Variants in GLIS3 observed in about 807,000 individuals in gnomAD.
GLIS3 encodes the protein GLIS family zinc finger 3.
Under a neutral mutation model 78.6 loss-of-function variants are expected in GLIS3, and 53 were observed. The ratio of observed to expected loss-of-function variants is 0.67; its 90% CI spans 0.54 to 0.85. GLIS3 has a LOEUF of 0.85. Ranked by LOEUF, GLIS3 falls within the 40% of genes least tolerant of loss-of-function variation. The pLI, the probability that GLIS3 is intolerant of heterozygous loss-of-function variation, is 0.00. For synonymous variants in GLIS3, 684 were observed against 509.9 expected (o/e 1.34, Z -4.60); for missense variants, 1,703 against 1,231.1 (o/e 1.38, Z -5.74).
intron 2 of GLIS3, among the ~76,000 whole-genome samples, chr9:4,336,123 C>T (rs1398235656): frequency 1.3e-5 from 2 of 152,180 alleles, no homozygotes; most frequent in East Asian, 1.9e-4. Flanking sequence ...AAAGTAGGGT[C>T]ACAATAGCAG....
At chr9:4,298,790 C>G (rs1253320607) in intron 1 of GLIS3, among the ~76,000 whole-genome samples, 1 of 152,104 alleles carries the variant, frequency 6.6e-6, no homozygotes, top group Non-Finnish European at 1.5e-5. Flanking sequence ...GGCTGCGGAT[C>G]GCCGGGCCGG....
At chr9:3,955,306 G>T (rs1817026047) in intron 4 of GLIS3, among the ~76,000 whole-genome samples, 1 of 152,232 alleles carries the variant, frequency 6.6e-6, no homozygotes, top group Non-Finnish European at 1.5e-5. Flanking sequence ...GTCAATTTGT[G>T]CTTAAAGAAA....
chr9:3,907,221 A>T (rs1823770998), intron 6 of GLIS3, among the ~76,000 whole-genome samples: 2 of 152,202 alleles, frequency 1.3e-5, no homozygotes, highest in South Asian at 4.1e-4. Flanking sequence ...TCAGTCCACG[A>T]GGGCTAGGCT....
At chr9:4,194,796 T>C (rs1045443901) in intron 2 of GLIS3, among the ~76,000 whole-genome samples, 3 of 152,214 alleles carry the variant, frequency 2.0e-5, no homozygotes, top group African/African-American at 7.2e-5. Context: ...GAGAGTACTT[T>C]GTTTTTCCCA....
intron 2 of GLIS3, among the ~76,000 whole-genome samples, chr9:4,318,870 G>A (rs1196820914): frequency 6.6e-6 from 1 of 152,172 alleles, no homozygotes; most frequent in Non-Finnish European, 1.5e-5. Context: ...TTGCAAAGGG[G>A]GGAAGTTCCT....
intron 1 of GLIS3, among the ~76,000 whole-genome samples, chr9:4,290,606 A>C (rs769161372): frequency 6.6e-6 from 1 of 152,144 alleles, no homozygotes; most frequent in Non-Finnish European, 1.5e-5. Flanking sequence ...TCGCAATTCA[A>C]TCAAGGACAG....
chr9:4,238,814 T>C (rs1823020996), intron 2 of GLIS3, among the ~76,000 whole-genome samples: 2 of 152,102 alleles, frequency 1.3e-5, no homozygotes, highest in Non-Finnish European at 2.9e-5. Flanking sequence ...TGAGTCAAGC[T>C]TTCCCTGGGG....
intron 9 of GLIS3, among the ~76,000 whole-genome samples, chr9:3,845,652 C>G (rs1486753280): frequency 6.6e-6 from 1 of 152,190 alleles, no homozygotes; most frequent in East Asian, 1.9e-4. Context: ...AGTAATTAGG[C>G]TTCCAAAGTT....
chr9:4,383,979 C>G, the GLIS3 span, among the ~76,000 whole-genome samples: 1 of 152,178 alleles, frequency 6.6e-6, no homozygotes, highest in Non-Finnish European at 1.5e-5. Context: ...CTTAAATATC[C>G]ATGGAACTAC....
chr9:4,299,121 C>A (rs1391160622), intron 1 of GLIS3, among the ~76,000 whole-genome samples: 1 of 152,118 alleles, frequency 6.6e-6, no homozygotes, highest in Non-Finnish European at 1.5e-5. Flanking sequence ...CGAATTAGCG[C>A]AACTTTAAAG....
intron 2 of GLIS3, among the ~76,000 whole-genome samples, chr9:4,151,800 A>C (rs1834701442): frequency 2.0e-5 from 3 of 152,170 alleles, no homozygotes; most frequent in Admixed American, 2.0e-4. Flanking sequence ...CATAATAATC[A>C]TCTGTTCCTA....
intron 2 of GLIS3, among the ~76,000 whole-genome samples, chr9:4,257,627 G>A (rs10814901): frequency 6.7e-6 from 1 of 149,516 alleles, no homozygotes; most frequent in Non-Finnish European, 1.5e-5. Context: ...AGGTTGGAGT[G>A]CACTGGCACA....
At chr9:4,110,226 T>C (rs1301196163) in intron 4 of GLIS3, among the ~76,000 whole-genome samples, 3 of 152,140 alleles carry the variant, frequency 2.0e-5, no homozygotes, top group Non-Finnish European at 4.4e-5. Context: ...CAATCCTGAT[T>C]TAGACTGACA....
intron 4 of GLIS3, chr9:3,975,274 A>C (rs1392879896): frequency 6.6e-6 from 1 of 152,204 alleles, no homozygotes; most frequent in Admixed American, 6.6e-5. Flanking sequence ...GTAATGTACA[A>C]AACAAGTACA....
At chr9:4,487,526 C>A in the GLIS3 span, among the ~76,000 whole-genome samples, 1 of 152,140 alleles carries the variant, frequency 6.6e-6, no homozygotes, top group East Asian at 1.9e-4. Flanking sequence ...AAATACTTTA[C>A]CCCGAGAACC....
chr9:3,880,255 C>T (rs948620224), intron 7 of GLIS3, among the ~76,000 whole-genome samples: 2 of 152,150 alleles, frequency 1.3e-5, no homozygotes, highest in Admixed American at 1.3e-4. Context: ...CACTGTTGCC[C>T]GTTATGACAC....
At chr9:4,107,132 G>T (rs953686616) in intron 4 of GLIS3, among the ~76,000 whole-genome samples, 1 of 152,130 alleles carries the variant, frequency 6.6e-6, no homozygotes, top group Non-Finnish European at 1.5e-5. Context: ...AGACCAGGTC[G>T]CCACTCATGG....
At chr9:3,856,261 T>A in intron 8 of GLIS3, 77 bp from the exon 9 acceptor site, 4 of 1,288,470 alleles carry the variant, frequency 3.1e-6, no homozygotes, top group Non-Finnish European at 4.4e-6. Context: ...AAAGCCAAAT[T>A]CTCACCTCCC....
intron 2 of GLIS3, among the ~76,000 whole-genome samples, chr9:4,267,105 T>C (rs1233176234): frequency 6.6e-6 from 1 of 152,048 alleles, no homozygotes; most frequent in Non-Finnish European, 1.5e-5. Flanking sequence ...GCTTGGAGAA[T>C]AAGAGAAAAG....
Sources: gnomAD v4.1 joint callset for allele counts (sites outside exome capture counted in the v4.1 genomes callset) on GRCh38, gnomAD v4.1.1 for gene constraint, MANE v1.5 for transcripts, NCBI Gene and HGNC (gene_info 2026-07-23, HGNC 2026-07-21) for gene names.